The following NLGN4X variants were observed in gnomAD, a reference collection of about 807,000 sequenced individuals.
NLGN4X encodes neuroligin 4 X-linked, also known as neuroligin-4, X-linked.
NLGN4X carries 3 observed loss-of-function variants against 40.3 expected under a neutral mutation model. The ratio of observed to expected loss-of-function variants is 0.07; its 90% CI spans 0.03 to 0.19. The LOEUF is 0.19. Among genes scored for constraint, NLGN4X ranks in the 10% least tolerant of loss-of-function variants. NLGN4X has a pLI of 1.00. For missense variants in NLGN4X, 382 were observed against 708.3 expected (o/e 0.54, Z 5.23); for synonymous variants, 270 against 306.8 (o/e 0.88, Z 1.25).
intron 3 of NLGN4X, among the ~76,000 whole-genome samples, chrX:5,939,734 C>A (rs1005747316): frequency 4.5e-5 from 5 of 111,061 alleles, no homozygotes; most frequent in Admixed American, 9.6e-5. Context: ...ATTCTCAGTT[C>A]CCAGTTATGT....
chrX:5,999,024 C>G (rs1057362295), intron 3 of NLGN4X, among the ~76,000 whole-genome samples: 1 of 111,686 alleles, frequency 9.0e-6, no homozygotes, highest in Non-Finnish European at 1.9e-5. Flanking sequence ...CTGCTTTGTA[C>G]TCACGCACTG....
At chrX:5,930,715 G>A (rs1054528730) in intron 3 of NLGN4X, among the ~76,000 whole-genome samples, 11 of 112,222 alleles carry the variant, frequency 9.8e-5, no homozygotes, top group South Asian at 3.7e-4. Context: ...CCCTCTCCCC[G>A]CTGAATCTGA....
chrX:6,171,339 T>A (rs1427119651), intron 1 of NLGN4X, among the ~76,000 whole-genome samples: 1 of 112,300 alleles, frequency 8.9e-6, no homozygotes, highest in African/African-American at 3.2e-5. Context: ...TATTTCTACA[T>A]GGTCAAATGG....
At chrX:6,066,288 T>C (rs1235967327) in intron 2 of NLGN4X, among the ~76,000 whole-genome samples, 4 of 112,253 alleles carry the variant, frequency 3.6e-5, no homozygotes, top group Non-Finnish European at 3.8e-5. Context: ...CAATCTTCCA[T>C]GTTAGCATGT....
rs981710572 is a variant in NLGN4X, at chrX:6,151,652, T to C, written c.-186A>G. On this transcript the variant is annotated 5_prime_UTR_variant, in exon 2 of 6. The change abolishes an upstream ATG in the 5' untranslated region. Transcript: ENST00000381095. ...GCACAGCCGTTTTCTTGGCAGCCCA[T>C]TGCAAGGAGGCAGCCCTCCCTTAAT... The C allele has an allele frequency of 2.2e-5, 10 of 455,747 alleles. No homozygotes were observed. The highest frequency in any genetic ancestry group is 6.5e-5 in the South Asian group (2 of 30,652). The allele number at this position is 455,747 out of a possible 1,213,427, so 37.6% of individuals were successfully genotyped here. A position where few individuals can be genotyped will look rare whatever the true frequency, so the allele number is the denominator to read the frequency against.
chrX:6,210,602 G>A (rs138994002), intron 1 of NLGN4X, among the ~76,000 whole-genome samples: 3 of 112,163 alleles, frequency 2.7e-5, no homozygotes, highest in African/African-American at 9.7e-5. Flanking sequence ...CACAGCGTTT[G>A]CTCCTAAGGA....
intron 2 of NLGN4X, among the ~76,000 whole-genome samples, chrX:6,065,332 A>G (rs1156459795): frequency 1.0e-5 from 1 of 98,534 alleles, no homozygotes; most frequent in Non-Finnish European, 2.0e-5. Context: ...GTACTGGTTA[A>G]GTATTGGCTA....
intron 1 of NLGN4X, among the ~76,000 whole-genome samples, chrX:6,182,991 T>C (rs1384374252): frequency 8.9e-6 from 1 of 112,096 alleles, no homozygotes; most frequent in East Asian, 2.8e-4. Context: ...TGACTGCTCC[T>C]TCTGGAATCC....
intron 1 of NLGN4X, among the ~76,000 whole-genome samples, chrX:6,178,585 G>A (rs1252824928): frequency 8.9e-6 from 1 of 112,099 alleles, no homozygotes; most frequent in Non-Finnish European, 1.9e-5. Flanking sequence ...AATGAAATAC[G>A]ACCATGAATA....
At chrX:5,936,569 C>T (rs1413826194) in intron 3 of NLGN4X, among the ~76,000 whole-genome samples, 7 of 111,676 alleles carry the variant, frequency 6.3e-5, no homozygotes, top group Non-Finnish European at 1.1e-4. Context: ...GGAATGAACA[C>T]GTGGGAGTTG....
intron 1 of NLGN4X, among the ~76,000 whole-genome samples, chrX:6,208,507 T>C (rs1186918578): frequency 8.9e-6 from 1 of 112,193 alleles, no homozygotes; most frequent in Non-Finnish European, 1.9e-5. Flanking sequence ...AATAATGTGG[T>C]TACTATCTCT....
chrX:5,987,571 T>G (rs1417665812), intron 3 of NLGN4X, among the ~76,000 whole-genome samples: 1 of 112,412 alleles, frequency 8.9e-6, no homozygotes, highest in African/African-American at 3.2e-5. Context: ...TCAGTGTAAA[T>G]CTAAGTTCAG....
At chrX:6,010,543 A>ATTATTATTATTATTAT (rs1234176359) in intron 3 of NLGN4X, among the ~76,000 whole-genome samples, 1 of 105,389 alleles carries the variant, frequency 9.5e-6, no homozygotes, top group Non-Finnish European at 1.9e-5. Flanking sequence ...TATTATTATT[A>ATTATTATTATTATTAT]TTTTAGACGA....
At chrX:6,121,358 T>G (rs943424190) in intron 2 of NLGN4X, among the ~76,000 whole-genome samples, 1 of 111,902 alleles carries the variant, frequency 8.9e-6, no homozygotes, top group Non-Finnish European at 1.9e-5. Context: ...GTCTTTGTAA[T>G]TGTCATTATG....
intron 2 of NLGN4X, among the ~76,000 whole-genome samples, chrX:6,137,661 G>A (rs2039850513): frequency 8.9e-6 from 1 of 111,790 alleles, no homozygotes; most frequent in African/African-American, 3.2e-5. Context: ...TGATGGCGAT[G>A]ACTCTGATGA....
At chrX:6,160,153 G>A (rs1393405652) in intron 1 of NLGN4X, among the ~76,000 whole-genome samples, 2 of 111,894 alleles carry the variant, frequency 1.8e-5, no homozygotes, top group Non-Finnish European at 3.8e-5. Flanking sequence ...AGCATAATTG[G>A]AAAGTCTGTA....
chrX:6,041,946 A>C (rs1482975300), intron 2 of NLGN4X, among the ~76,000 whole-genome samples: 4 of 112,505 alleles, frequency 3.6e-5, no homozygotes, highest in African/African-American at 1.3e-4. Flanking sequence ...GTATCTTCTT[A>C]TTTAACTTTG....
chrX:6,178,272 T>C (rs1004093674), intron 1 of NLGN4X, among the ~76,000 whole-genome samples: 3 of 111,941 alleles, frequency 2.7e-5, no homozygotes. Flanking sequence ...AGTTAGTAGA[T>C]ATTGATTATA....
intron 3 of NLGN4X, among the ~76,000 whole-genome samples, chrX:5,910,651 A>G (rs1004201269): frequency 9.0e-6 from 1 of 111,715 alleles, no homozygotes; most frequent in Non-Finnish European, 1.9e-5. Context: ...TGAGTCAACC[A>G]GCATTTCTTC....
Sources: gnomAD v4.1 joint callset for allele counts (sites outside exome capture counted in the v4.1 genomes callset) on GRCh38, gnomAD v4.1.1 for gene constraint, MANE v1.5 for transcripts, NCBI Gene and HGNC (gene_info 2026-07-23, HGNC 2026-07-21) for gene names.